The following NFIC variants were observed in gnomAD, a reference collection of about 807,000 sequenced individuals.
NFIC encodes nuclear factor I C.
NFIC carries 12 observed loss-of-function variants against 54.4 expected under a neutral mutation model. The observed-to-expected ratio is 0.22, with a 90% CI of 0.14 to 0.36. NFIC has a LOEUF of 0.36. Among genes scored for constraint, NFIC ranks in the 10% least tolerant of loss-of-function variants. NFIC has a pLI of 1.00. For missense variants in NFIC, 575 were observed against 718.2 expected (o/e 0.80, Z 2.28); for synonymous variants, 322 against 319.2 (o/e 1.01, Z -0.09).
chr19:3,433,798 C>T (rs1006923124), intron 4 of NFIC, among the ~76,000 whole-genome samples: 8 of 152,168 alleles, frequency 5.3e-5, no homozygotes, highest in Non-Finnish European at 1.0e-4. Context: ...GAAACAGAAT[C>T]TAAATGCTGG....
chr19:3,460,213 G>A (rs758595305), intron 10 of NFIC, among the ~76,000 whole-genome samples: 1 of 152,216 alleles, frequency 6.6e-6, no homozygotes, highest in Non-Finnish European at 1.5e-5. Flanking sequence ...CCATCCGGGG[G>A]ACCTGTGACA....
chr19:3,438,502 A>G (rs955423176), intron 6 of NFIC, among the ~76,000 whole-genome samples: 2 of 141,010 alleles, frequency 1.4e-5, no homozygotes, highest in African/African-American at 5.4e-5. Context: ...CAGTGGCGCC[A>G]TCTCAGCTCA....
rs1294992332 is a variant in NFIC at position 3,369,378 on chromosome 19, C to G, written c.30+2712C>G. Reference sequence around the variant, plus strand: ...TATCTCTGCATGTGTCTCCTTACTCCTCTCTCTCTGTCTCTCTCTGTCTCT... The same window carrying G: ...TATCTCTGCATGTGTCTCCTTACTCGTCTCTCTCTGTCTCTCTCTGTCTCT... On this transcript the variant is annotated intron_variant, in intron 1 of 10. Coordinates refer to ENST00000443272, the MANE Select transcript of NFIC (RefSeq NM_001245002.2). The surrounding 1 kb of genome is among the most constrained non-coding windows in gnomAD (Gnocchi z 4.3). Among the ~76,000 whole-genome samples, 1 of 152,102 alleles carries G rather than the reference C, an allele frequency of 6.6e-6. No homozygotes were observed. Among genetic ancestry groups the G allele is most frequent in the Non-Finnish European group, 1.5e-5 (1 of 67,996 alleles).
intron 6 of NFIC, among the ~76,000 whole-genome samples, chr19:3,439,813 C>G (rs1345074588): frequency 1.3e-5 from 2 of 150,940 alleles, no homozygotes; most frequent in African/African-American, 4.9e-5. Flanking sequence ...CTCAGCCTCC[C>G]GAATAGCTGG....
Position 3,436,399 on chromosome 19 carries a change from A to G in NFIC, c.958+1192A>G, listed in dbSNP as rs536387797. ...TCTTGAACTCCTGAGTTCAAGTGTG[A>G]TCTTTCCTCCTGCCTCGTCCTCCCA... On this transcript the variant is annotated intron_variant, in intron 6 of 10. Transcript: ENST00000443272. Among the ~76,000 whole-genome samples, 15 of 131,772 alleles carry G rather than the reference A, an allele frequency of 1.1e-4. No homozygotes were observed. In the South Asian group the frequency reaches 2.5e-3, roughly 22 times the overall value. The allele number at this position is 131,772 out of a possible 152,430, so 86.4% of individuals were successfully genotyped here.
At chr19:3,444,899 A>C (rs2082350263) in intron 6 of NFIC, among the ~76,000 whole-genome samples, 1 of 151,770 alleles carries the variant, frequency 6.6e-6, no homozygotes, top group African/African-American at 2.4e-5. Flanking sequence ...ATGCTTGCAG[A>C]CCTGTACGTG....
At chr19:3,457,681 A>C (rs1568201563) in intron 10 of NFIC, among the ~76,000 whole-genome samples, 1 of 152,108 alleles carries the variant, frequency 6.6e-6, no homozygotes, top group East Asian at 1.9e-4. Flanking sequence ...TGGGGTCCCC[A>C]GGGGCCGTGT....
chr19:3,381,583 A>T, intron 1 of NFIC, 129 bp from the exon 2 acceptor site: 1 of 1,366,340 alleles, frequency 7.3e-7, no homozygotes, highest in Non-Finnish European at 9.7e-7. Context: ...CCCCCTGCCC[A>T]CCTCTGCCCA....
At chr19:3,394,905 A>C in intron 2 of NFIC, among the ~76,000 whole-genome samples, 1 of 151,340 alleles carries the variant, frequency 6.6e-6, no homozygotes, top group African/African-American at 2.4e-5. Context: ...CTCCCCACTC[A>C]CCCCGTCCCT....
At chr19:3,432,415 C>A (rs547971515) in intron 3 of NFIC, among the ~76,000 whole-genome samples, 1 of 152,254 alleles carries the variant, frequency 6.6e-6, no homozygotes, top group African/African-American at 2.4e-5. Context: ...TCCCTGCCCA[C>A]ACGGACCTCC....
In NFIC at chr19:3,463,772, G is replaced by T. The variant is rs2082676475; in HGVS notation, c.*1003G>T. Reference sequence around the variant, plus strand: ...CCGGACACCCAGAGCTCCCCGAGTTGGGGGTGCCCGTCTGGAGCGCCCCCG... The same window carrying T: ...CCGGACACCCAGAGCTCCCCGAGTTTGGGGTGCCCGTCTGGAGCGCCCCCG... On this transcript the variant is annotated 3_prime_UTR_variant, in exon 11 of 11. Coordinates refer to ENST00000443272, the MANE Select transcript of NFIC (RefSeq NM_001245002.2). 1 of 985,416 alleles carries T rather than the reference G, an allele frequency of 1.0e-6. No individual in the cohort carries two copies. Among genetic ancestry groups the T allele is most frequent in the Non-Finnish European group, 1.2e-6 (1 of 830,006 alleles). 61.0% of individuals were successfully genotyped at this position (985,416 alleles called of 1,614,324 possible). A position where few individuals can be genotyped will look rare whatever the true frequency, so the allele number is the denominator to read the frequency against.
chr19:3,423,997 C>T (rs943429654), intron 2 of NFIC, among the ~76,000 whole-genome samples: 2 of 152,110 alleles, frequency 1.3e-5, no homozygotes, highest in Non-Finnish European at 2.9e-5. Context: ...GACTGAACCT[C>T]ATTTTATTTT....
intron 7 of NFIC, among the ~76,000 whole-genome samples, chr19:3,450,993 A>G (rs536271145): frequency 6.6e-6 from 1 of 152,358 alleles, no homozygotes; most frequent in East Asian, 1.9e-4. Flanking sequence ...ACGTGGCCAA[A>G]AGCCAAAAAT....
chr19:3,439,727 C>T (rs1384332070), intron 6 of NFIC, among the ~76,000 whole-genome samples: 4 of 141,798 alleles, frequency 2.8e-5, no homozygotes, highest in Admixed American at 1.4e-4. Context: ...CTTGCTCTGT[C>T]GCCCAGGCTG....
Position 3,438,530 on chromosome 19 carries a change from C to T in NFIC, c.958+3323C>T, listed in dbSNP as rs1037484195. On this transcript the variant is annotated intron_variant, in intron 6 of 10. Transcript: ENST00000443272. ...TCAGCTCACTGCAAGCTCCGCTTCC[C>T]GGGTTCACGCCATTCTCCTGCCTCA... Among the ~76,000 whole-genome samples, 44 of 151,230 alleles carry T rather than the reference C, an allele frequency of 2.9e-4. 1 individual carries two copies. Among genetic ancestry groups the T allele is most frequent in the Admixed American group, 1.5e-3 (22 of 15,120 alleles).
chr19:3,456,857 C>G, intron 10 of NFIC: 1 of 587,822 alleles, frequency 1.7e-6, no homozygotes, highest in Non-Finnish European at 3.1e-6. Context: ...TGGCCCCAGA[C>G]TCAGCCTGTG....
chr19:3,463,658 C>T lies in NFIC; in HGVS notation c.*889C>T, dbSNP rs1360443637. ...CCACCCCCGGCATAGGAGGCCCCCC[C>T]ACCTCGCCCGGCTCACACCCCCAAA... On this transcript the variant is annotated 3_prime_UTR_variant, in exon 11 of 11. Coordinates refer to ENST00000443272, the MANE Select transcript of NFIC (RefSeq NM_001245002.2). 3.1e-6 allele frequency: 3 copies of T among 981,190 alleles called. No homozygotes were observed. Among genetic ancestry groups the T allele is most frequent in the Non-Finnish European group, 3.6e-6 (3 of 826,972 alleles). The allele number at this position is 981,190 out of a possible 1,614,324, so 60.8% of individuals were successfully genotyped here.
chr19:3,408,125 G>A (rs138289329), intron 2 of NFIC, among the ~76,000 whole-genome samples: 1 of 152,242 alleles, frequency 6.6e-6, no homozygotes, highest in East Asian at 1.9e-4. Context: ...GCTAACGTTG[G>A]AAAATCAACC....
At position 3,465,638 on chromosome 19, in the gene NFIC, C is replaced by G. The variant is rs541603244; in HGVS notation, c.*2869C>G. ...AGAGGGGTCATTTCTGAATCCCTTG[C>G]CCAGAGGACAGACCTCCGGGGCCCA... On this transcript the variant is annotated 3_prime_UTR_variant, in exon 11 of 11. Transcript: ENST00000443272. 2.6e-5 allele frequency: 4 copies of G among 152,162 alleles called. No homozygotes were observed. Among genetic ancestry groups the G allele is most frequent in the African/African-American group, 9.7e-5 (4 of 41,414 alleles). 9.4% of individuals were successfully genotyped at this position (152,162 alleles called of 1,614,324 possible).
Sources: allele counts gnomAD v4.1 joint callset (sites outside exome capture counted in the v4.1 genomes callset), GRCh38; gene constraint gnomAD v4.1.1; non-coding constraint Gnocchi (gnomAD v3.1); transcripts MANE v1.5; gene names NCBI Gene and HGNC (gene_info 2026-07-23, HGNC 2026-07-21).